Variants in RNF24 observed in about 807,000 individuals in gnomAD.
RNF24 encodes ring finger protein 24.
A neutral mutation model predicts 20.0 loss-of-function variants in RNF24; 14 were observed. That is an observed-to-expected ratio of 0.70 (90% confidence interval 0.46 to 1.10). RNF24 has a LOEUF of 1.10. RNF24 is among the 50% of genes least tolerant of loss of function. The pLI, the probability that RNF24 is intolerant of heterozygous loss-of-function variation, is 0.00. For synonymous variants in RNF24, 45 were observed against 61.1 expected (o/e 0.74, Z 1.23); for missense variants, 124 against 177.6 (o/e 0.70, Z 1.71).
chr20:3,984,352 T>C (rs1024416961), intron 1 of RNF24, among the ~76,000 whole-genome samples: 2 of 152,206 alleles, frequency 1.3e-5, no homozygotes, highest in African/African-American at 4.8e-5. Flanking sequence ...TCCCAGGACC[T>C]AGTCATCCCT....
chr20:3,974,854 A>C (rs962004835), intron 1 of RNF24, among the ~76,000 whole-genome samples: 1 of 152,212 alleles, frequency 6.6e-6, no homozygotes, highest in African/African-American at 2.4e-5. Context: ...TAGGTTTAAC[A>C]TAATTCCTAT....
chr20:4,007,040 G>T (rs1000916184), intron 1 of RNF24, among the ~76,000 whole-genome samples: 2 of 152,214 alleles, frequency 1.3e-5, no homozygotes, highest in Non-Finnish European at 1.5e-5. Context: ...TCAGATAATT[G>T]AAGGAGTCCC....
chr20:3,985,035 C>T (rs528069981), intron 1 of RNF24, among the ~76,000 whole-genome samples: 7 of 148,942 alleles, frequency 4.7e-5, no homozygotes, highest in Admixed American at 1.3e-4. Context: ...GGCAGTTGGG[C>T]GGGGGAACAA....
At chr20:3,991,962 G>A (rs546804061) in intron 1 of RNF24, among the ~76,000 whole-genome samples, 12 of 150,270 alleles carry the variant, frequency 8.0e-5, no homozygotes, top group Non-Finnish European at 1.6e-4. Flanking sequence ...ACACACACAC[G>A]GAATTTCCAT....
intron 1 of RNF24, among the ~76,000 whole-genome samples, chr20:4,004,160 A>G (rs1179420617): frequency 6.6e-6 from 1 of 152,146 alleles, no homozygotes; most frequent in East Asian, 1.9e-4. Flanking sequence ...CTATCTGCAC[A>G]TCCCAGGCTA....
chr20:3,951,471 C>T (rs2091081200), intron 2 of RNF24, among the ~76,000 whole-genome samples: 1 of 152,198 alleles, frequency 6.6e-6, no homozygotes, highest in African/African-American at 2.4e-5. Context: ...CTTTTGCCCA[C>T]TGATTTTAGC....
intron 1 of RNF24, among the ~76,000 whole-genome samples, chr20:3,979,649 T>C (rs1160318581): frequency 6.6e-6 from 1 of 152,152 alleles, no homozygotes; most frequent in Non-Finnish European, 1.5e-5. Context: ...CACTCCAACC[T>C]AGGTGACAAG....
intron 1 of RNF24, among the ~76,000 whole-genome samples, chr20:3,974,618 A>T (rs1978699662): frequency 6.6e-6 from 1 of 152,218 alleles, no homozygotes; most frequent in African/African-American, 2.4e-5. Flanking sequence ...AGCAATGAAC[A>T]TAGGAACACT....
intron 4 of RNF24, among the ~76,000 whole-genome samples, chr20:3,941,279 G>A (rs1392406485): frequency 6.6e-6 from 1 of 152,138 alleles, no homozygotes; most frequent in African/African-American, 2.4e-5. Context: ...TGCCTTTTGA[G>A]TTTTTAAAAA....
chr20:3,958,740 C>T (rs1423905750), intron 2 of RNF24, among the ~76,000 whole-genome samples: 1 of 152,232 alleles, frequency 6.6e-6, no homozygotes, highest in Non-Finnish European at 1.5e-5. Flanking sequence ...CTTCTGGGTT[C>T]AAGCGATTCT....
At chr20:4,000,278 C>T (rs1022105782) in intron 1 of RNF24, among the ~76,000 whole-genome samples, 1 of 152,158 alleles carries the variant, frequency 6.6e-6, no homozygotes, top group African/African-American at 2.4e-5. Flanking sequence ...GATCCCAGCA[C>T]TTTGGGAGGC....
At chr20:3,982,746 A>G (rs1453293729) in intron 1 of RNF24, among the ~76,000 whole-genome samples, 2 of 151,970 alleles carry the variant, frequency 1.3e-5, no homozygotes, top group African/African-American at 2.4e-5. Flanking sequence ...ATCAGTAGCC[A>G]GGTGTGGCGA....
chr20:3,952,368 ATTATTTCTTGCT>A (rs1025782192), intron 2 of RNF24, among the ~76,000 whole-genome samples: 2 of 151,998 alleles, frequency 1.3e-5, no homozygotes, highest in African/African-American at 4.8e-5. Flanking sequence ...TTATTTTCTA[ATTATTTCTTGCT>A]ACCTATATGG....
At chr20:3,938,350 A>G (rs1411487904) in intron 4 of RNF24, among the ~76,000 whole-genome samples, 1 of 152,220 alleles carries the variant, frequency 6.6e-6, no homozygotes, top group South Asian at 2.1e-4. Flanking sequence ...ACAAAGGTGC[A>G]AAAAGCATTT....
At chr20:3,954,136 G>A (rs1259413778) in intron 2 of RNF24, among the ~76,000 whole-genome samples, 4 of 152,086 alleles carry the variant, frequency 2.6e-5, no homozygotes, top group Middle Eastern at 3.4e-3. Context: ...ACAATTCAGT[G>A]GTAAGTAGTG....
chr20:4,012,857 A>T (rs943871853), intron 1 of RNF24, among the ~76,000 whole-genome samples: 4 of 152,210 alleles, frequency 2.6e-5, no homozygotes, highest in African/African-American at 9.7e-5. Flanking sequence ...TTTCAGTGAT[A>T]ATTCCGGTTA....
At chr20:3,946,649 G>A (rs2091021066) in intron 3 of RNF24, among the ~76,000 whole-genome samples, 1 of 145,054 alleles carries the variant, frequency 6.9e-6, no homozygotes, top group Non-Finnish European at 1.5e-5. Context: ...GCAGTGAGCT[G>A]TGATCATGCC....
intron 1 of RNF24, among the ~76,000 whole-genome samples, chr20:3,989,672 A>G (rs1166884958): frequency 1.3e-4 from 20 of 152,130 alleles, no homozygotes; most frequent in Admixed American, 3.9e-4. Context: ...TCATGTGACT[A>G]AAACTTGTCA....
In RNF24 at chr20:3,934,146, C is replaced by T; in HGVS notation, c.364G>A (p.Val122Ile). 6.3e-7 allele frequency: 1 copy of T among 1,594,688 alleles called. No homozygotes were observed. The highest frequency in any genetic ancestry group is 8.5e-7 in the Non-Finnish European group (1 of 1,170,840). ...RKVCPLCNMP[V>I]LQLAQLHSKQ... ...CTGTGCAACTGGGCCAGCTGTAGAA[C>T]TGGCATGTTGCACAGGGGACACACT... is the stretch of plus-strand genomic sequence containing the variant. The change falls in exon 6 of 6, where the codon GTT becomes ATT. Residue 122 changes from valine (V) to isoleucine (I), a missense_variant. Coordinates refer to ENST00000358395, the MANE Select transcript of RNF24 (RefSeq NM_001134337.3). This position sits in a 1 kb window ranked among gnomAD's most constrained non-coding sequence, Gnocchi z 4.0.
Sources: allele counts gnomAD v4.1 joint callset (sites outside exome capture counted in the v4.1 genomes callset), GRCh38; gene constraint gnomAD v4.1.1; non-coding constraint Gnocchi (gnomAD v3.1); transcripts MANE v1.5; gene names NCBI Gene and HGNC (gene_info 2026-07-23, HGNC 2026-07-21).